Variants in TEKT3 observed in about 807,000 individuals in gnomAD.
TEKT3 encodes the protein tektin 3, also known as tektin-3.
In TEKT3, 49 loss-of-function variants were observed where a neutral mutation model predicts 49.8. That is an observed-to-expected ratio of 0.98 (90% CI 0.78 to 1.25). The LOEUF (loss-of-function observed/expected upper bound fraction) is 1.25. Among genes scored for constraint, TEKT3 ranks in the 50% most tolerant of loss-of-function variants. The probability of loss-of-function intolerance (pLI) is 0.00; values close to 1 mark genes in which losing one functional copy is unlikely to be tolerated. For synonymous variants in TEKT3, 225 were observed against 237.2 expected, an observed-to-expected ratio of 0.95 and a Z score of 0.47; for missense variants, 595 against 629.5, an observed-to-expected ratio of 0.95 and a Z score of 0.59.
intron 4 of TEKT3, among the ~76,000 whole-genome samples, chr17:15,319,913 G>C (rs1456859704): frequency 6.6e-6 from 1 of 152,138 alleles, no homozygotes; most frequent in Admixed American, 6.5e-5. Flanking sequence ...CAGCCAAAAA[G>C]TTGTCATACT....
chr17:15,312,509 CAGTG>C, intron 6 of TEKT3, 28 bp from the exon 7 acceptor site: 1 of 1,601,100 alleles, frequency 6.2e-7, no homozygotes, highest in Middle Eastern at 1.7e-4. Flanking sequence ...AAGCAGACAA[CAGTG>C]AGAGTGATGA....
chr17:15,309,530 G>A (rs780871776), intron 7 of TEKT3, among the ~76,000 whole-genome samples: 18 of 152,062 alleles, frequency 1.2e-4, no homozygotes, highest in East Asian at 5.8e-4. Flanking sequence ...CCTTCTCCAC[G>A]CATCTTGATC....
intron 7 of TEKT3, 77 bp downstream of exon 7, chr17:15,312,182 G>T: frequency 1.4e-6 from 2 of 1,383,978 alleles, no homozygotes; most frequent in Non-Finnish European, 2.0e-6. Context: ...CTCTCTGGGA[G>T]TGGTGAGAGA....
In TEKT3 at chr17:15,330,890, TA is replaced by T. The variant is rs1324322182; in HGVS notation, c.579+116del. ...CTGAAAACAGTCACAGATTTATTGATAGGGGGTTGGCTTCAACAGATGAAGT... is the reference window on the plus strand; with the variant it reads ...CTGAAAACAGTCACAGATTTATTGATGGGGGTTGGCTTCAACAGATGAAGT... On this transcript the variant is annotated intron_variant, in intron 3 of 8. Coordinates refer to ENST00000395930, the MANE Select transcript of TEKT3 (RefSeq NM_031898.3). 5.7e-6 allele frequency: 6 copies of T among 1,045,824 alleles called. No homozygotes were observed. In the Admixed American group the frequency reaches 9.0e-5, roughly 16 times the overall value. The allele number at this position is 1,045,824 out of a possible 1,614,324, so 64.8% of individuals were successfully genotyped here. A position where few individuals can be genotyped will look rare whatever the true frequency, so the allele number is the denominator to read the frequency against.
At chr17:15,321,887 T>C (rs1338297751) in intron 4 of TEKT3, among the ~76,000 whole-genome samples, 1 of 152,226 alleles carries the variant, frequency 6.6e-6, no homozygotes. Context: ...TCATGAAGCA[T>C]CTGTCGTTAC....
chr17:15,328,715 A>C (rs1911589064), intron 3 of TEKT3, among the ~76,000 whole-genome samples: 1 of 152,204 alleles, frequency 6.6e-6, no homozygotes, highest in African/African-American at 2.4e-5. Flanking sequence ...TATTGACATT[A>C]AACAGTAGAC....
upstream of TEKT3, among the ~76,000 whole-genome samples, chr17:15,343,634 C>A (rs1912297796): frequency 6.6e-6 from 1 of 152,212 alleles, no homozygotes; most frequent in African/African-American, 2.4e-5. Context: ...TAAATGAAAG[C>A]ATGAAGTGTG....
At chr17:15,325,667 C>CA (rs139537726) in intron 4 of TEKT3, among the ~76,000 whole-genome samples, 14,470 of 151,788 alleles carry the variant, frequency 0.095, 831 homozygotes, top group East Asian at 0.22. Context: ...AGCCAAGTAC[C>CA]AAAAAAAATC....
In TEKT3 at chr17:15,312,312, G is replaced by T; in HGVS notation, c.1048C>A (p.Arg350Ser). 1.2e-6 allele frequency: 2 copies of T among 1,614,208 alleles called. No homozygotes were observed. The highest frequency in any genetic ancestry group is 1.7e-6 in the Non-Finnish European group (2 of 1,180,040). The change falls in exon 7 of 9, where the codon CGC becomes AGC. Residue 350 changes from arginine (R) to serine (S), a missense_variant. Physicochemically the swap from Arg to Ser is moderately radical, Grantham distance 110. Transcript: ENST00000395930. ...FNKVNLSFTN[R>S]IAETADAKNK... ...TTAGCATCTGCAGTCTCAGCAATGC[G>T]ATTGGTGAAAGACAAGTTCACTTTG...
chr17:15,331,963 G>A (rs1911774331), intron 2 of TEKT3, among the ~76,000 whole-genome samples: 1 of 152,126 alleles, frequency 6.6e-6, no homozygotes, highest in Non-Finnish European at 1.5e-5. Context: ...TTTCTCACTT[G>A]AAGTCAGGAG....
chr17:15,315,958 C>T (rs978203890), intron 5 of TEKT3, among the ~76,000 whole-genome samples: 7 of 152,194 alleles, frequency 4.6e-5, no homozygotes, highest in African/African-American at 1.7e-4. Context: ...CTGCAGGTTC[C>T]CTTCAACTTA....
rs1488992936 is a variant in TEKT3 at position 15,331,456 on chromosome 17, G to A, written c.130C>T (p.His44Tyr). Residue 44 changes from histidine to tyrosine, a missense_variant, in exon 3 of 9, where the codon CAT becomes TAT. Transcript: ENST00000395930. ...GGTCTCCAAGGAAGGCTCAGGCTATGGGTCAAATTGGAGTGGGGAAAGCGG... is the reference window on the plus strand; with the variant it reads ...GGTCTCCAAGGAAGGCTCAGGCTATAGGTCAAATTGGAGTGGGGAAAGCGG... ...RDRFPHSNLT[H>Y]SLSLPWRPST... 6.2e-7 allele frequency: 1 copy of A among 1,614,094 alleles called. No homozygotes were observed. The highest frequency in any genetic ancestry group is 1.1e-5 in the South Asian group (1 of 91,066).
rs527607996 is a variant in TEKT3 at position 15,312,247 on chromosome 17, C to A, written c.1101+12G>T. Reference sequence around the variant, plus strand: ...CAGGTCAGCTAAGGGGTACCACTGGCGGTTGATTTACCTTTGCTAAGTGCG... The same window carrying A: ...CAGGTCAGCTAAGGGGTACCACTGGAGGTTGATTTACCTTTGCTAAGTGCG... On this transcript the variant is annotated intron_variant, in intron 7 of 8. Coordinates refer to ENST00000395930, the MANE Select transcript of TEKT3 (RefSeq NM_031898.3). 6.2e-6 allele frequency: 10 copies of A among 1,613,166 alleles called. No individual in the cohort carries two copies. Among genetic ancestry groups the A allele is most frequent in the East Asian group, 2.2e-5 (1 of 44,894 alleles).
chr17:15,309,462 G>T (rs911300552), intron 7 of TEKT3, among the ~76,000 whole-genome samples: 1 of 151,948 alleles, frequency 6.6e-6, no homozygotes, highest in African/African-American at 2.4e-5. Flanking sequence ...ATCCCCCTTT[G>T]GTTCTCCCTC....
intron 3 of TEKT3, among the ~76,000 whole-genome samples, chr17:15,328,580 C>T (rs910880250): frequency 1.3e-5 from 2 of 152,114 alleles, no homozygotes; most frequent in Non-Finnish European, 2.9e-5. Context: ...TATGCCTTTA[C>T]TCACTAAAGA....
chr17:15,320,960 G>GA (rs372193361), intron 4 of TEKT3, among the ~76,000 whole-genome samples: 37 of 149,724 alleles, frequency 2.5e-4, no homozygotes, highest in Admixed American at 7.9e-4. Context: ...TTTAGTGAGG[G>GA]AAAAAAAATG....
rs562186999 is a variant in TEKT3, at chr17:15,339,563, A to G, written c.-30+465T>C. Among the ~76,000 whole-genome samples the G allele has an allele frequency of 1.6e-3, 243 of 152,366 alleles. 2 individuals carry two copies. The highest frequency in any genetic ancestry group is 5.1e-3 in the African/African-American group (213 of 41,590). On this transcript the variant is annotated intron_variant, in intron 2 of 8. Transcript: ENST00000395930. The stretch of plus-strand genomic sequence containing the variant: ...AACCGGAAAGCTCCATTTGCTATCC[A>G]AAAGTTGGCTTCATACTGGGTAAAC...
chr17:15,307,620 A>G (rs1333363157), intron 8 of TEKT3, among the ~76,000 whole-genome samples: 1 of 152,124 alleles, frequency 6.6e-6, no homozygotes, highest in Non-Finnish European at 1.5e-5. Context: ...CAGGAAATCC[A>G]CTGTCTCAAA....
chr17:15,341,387 A>C (rs1191594351), intron 1 of TEKT3, 131 bp downstream of exon 1: 1 of 152,118 alleles, frequency 6.6e-6, no homozygotes, highest in Non-Finnish European at 1.5e-5. Context: ...AAAAGTGAAG[A>C]TCGCGGGGAG....
Sources: gnomAD v4.1 joint callset for allele counts (sites outside exome capture counted in the v4.1 genomes callset) on GRCh38, gnomAD v4.1.1 for gene constraint, MANE v1.5 for transcripts, NCBI Gene and HGNC (gene_info 2026-07-23, HGNC 2026-07-21) for gene names.